Variants in RHOBTB2 observed in about 807,000 individuals in gnomAD.
The protein encoded by RHOBTB2 is Rho related BTB domain containing 2.
In RHOBTB2, 39 loss-of-function variants were observed where a neutral mutation model predicts 66.5. That is an observed-to-expected ratio of 0.59 (90% CI 0.45 to 0.77). The LOEUF (loss-of-function observed/expected upper bound fraction) is 0.77. Among genes scored for constraint, RHOBTB2 ranks in the 30% least tolerant of loss-of-function variants. The pLI is 0.00. For missense variants in RHOBTB2, 755 were observed against 999.1 expected (o/e 0.76, Z 3.29); for synonymous variants, 390 against 395.0 (o/e 0.99, Z 0.15).
chr8:22,990,584 G>C (rs1267269945), intron 1 of RHOBTB2, among the ~76,000 whole-genome samples: 1 of 152,222 alleles, frequency 6.6e-6, no homozygotes, highest in Non-Finnish European at 1.5e-5. Context: ...GCTCCCAGGG[G>C]GCTCTCTGTT....
intron 3 of RHOBTB2, 31 bp from the exon 4 acceptor site, chr8:23,005,929 T>C (rs1473583246): frequency 6.3e-7 from 1 of 1,592,268 alleles, no homozygotes; most frequent in South Asian, 1.1e-5. Flanking sequence ...CACTTGTTTC[T>C]CTGCCCGTAA....
the RHOBTB2 span, among the ~76,000 whole-genome samples, chr8:22,962,748 A>G: frequency 1.3e-5 from 2 of 152,222 alleles, no homozygotes; most frequent in Non-Finnish European, 2.9e-5. Flanking sequence ...CAGCAACCTG[A>G]CTGTCTCCTG....
chr8:23,007,924 G>A (rs1338563854), intron 5 of RHOBTB2, 69 bp from the exon 6 acceptor site: 27 of 1,523,260 alleles, frequency 1.8e-5, no homozygotes, highest in Admixed American at 1.2e-4. Context: ...AGGAGGCTCC[G>A]TGGCTCCCCT....
chr8:22,975,237 C>T, the RHOBTB2 span, among the ~76,000 whole-genome samples: 2 of 152,200 alleles, frequency 1.3e-5, no homozygotes, highest in South Asian at 2.1e-4. Context: ...GGGGCCCCTT[C>T]ACCTGCCCCA....
chr8:22,986,163 T>G (rs535700253), upstream of RHOBTB2, among the ~76,000 whole-genome samples: 20 of 151,544 alleles, frequency 1.3e-4, no homozygotes, highest in Non-Finnish European at 2.5e-4. Context: ...TCTCTCTCTC[T>G]CTCTCTTTCG....
chr8:22,958,768 C>T, the RHOBTB2 span, among the ~76,000 whole-genome samples: 1 of 139,432 alleles, frequency 7.2e-6, no homozygotes, highest in Non-Finnish European at 1.5e-5. Flanking sequence ...CACCACTGCA[C>T]TCCAGCCTGG....
At chr8:23,012,810 TATTTA>T in intron 7 of RHOBTB2, among the ~76,000 whole-genome samples, 1 of 152,204 alleles carries the variant, frequency 6.6e-6, no homozygotes, top group South Asian at 2.1e-4. Context: ...TTTATTTATT[TATTTA>T]TTTATTGACA....
At chr8:22,978,647 G>C in the RHOBTB2 span, among the ~76,000 whole-genome samples, 1 of 149,886 alleles carries the variant, frequency 6.7e-6, no homozygotes, top group African/African-American at 2.5e-5. Context: ...TGTATTCCAC[G>C]TAACAGGAGG....
intron 1 of RHOBTB2, among the ~76,000 whole-genome samples, chr8:23,002,210 T>C (rs182764139): frequency 1.7e-3 from 255 of 152,298 alleles, no homozygotes; most frequent in Admixed American, 2.6e-3. Flanking sequence ...GCTGCACATA[T>C]TTTGTATTTG....
chr8:22,990,603 C>A (rs578006093), intron 1 of RHOBTB2, among the ~76,000 whole-genome samples: 1 of 152,292 alleles, frequency 6.6e-6, no homozygotes, highest in South Asian at 2.1e-4. Context: ...TTGGCACCTC[C>A]CAGAAGGAGG....
At chr8:22,988,895 C>T (rs1810355008) in intron 1 of RHOBTB2, among the ~76,000 whole-genome samples, 1 of 152,152 alleles carries the variant, frequency 6.6e-6, no homozygotes, top group Non-Finnish European at 1.5e-5. Flanking sequence ...ACGGGCTCTG[C>T]AGAAGTGGCA....
intron 5 of RHOBTB2, 33 bp from the exon 6 acceptor site, chr8:23,007,960 C>G: frequency 6.3e-7 from 1 of 1,591,256 alleles, no homozygotes; most frequent in South Asian, 1.1e-5. Context: ...CAGCTTCTTT[C>G]ACCAGTCCTC....
At chr8:22,981,571 T>C in the RHOBTB2 span, among the ~76,000 whole-genome samples, 1 of 152,160 alleles carries the variant, frequency 6.6e-6, no homozygotes, top group Non-Finnish European at 1.5e-5. Flanking sequence ...TTGCCTCGAA[T>C]TAGGGAATTC....
chr8:22,958,569 C>T, the RHOBTB2 span, among the ~76,000 whole-genome samples: 1 of 151,938 alleles, frequency 6.6e-6, no homozygotes, highest in Non-Finnish European at 1.5e-5. Context: ...GAAGTTGAGG[C>T]AGCAGGATTT....
At chr8:22,975,797 G>T in the RHOBTB2 span, among the ~76,000 whole-genome samples, 1 of 152,010 alleles carries the variant, frequency 6.6e-6, no homozygotes, top group Non-Finnish European at 1.5e-5. Context: ...CAGCTGGGTG[G>T]CCCCTTCCCT....
the RHOBTB2 span, among the ~76,000 whole-genome samples, chr8:22,951,334 C>T: frequency 0.012 from 1,729 of 139,904 alleles, 32 homozygotes; most frequent in African/African-American, 0.043. Context: ...TCACTGCAAC[C>T]TTCTTCTCCC....
Position 23,018,180 on chromosome 8 carries a change from C to A in RHOBTB2, c.*711C>A. On this transcript the variant is annotated 3_prime_UTR_variant, in exon 10 of 10. Transcript: ENST00000251822. ...CCTCTTGGTGCAACAAGAAACTTCT[C>A]CCTCACCCCCTCCTTTACCCTCAGA... 1 of 152,582 alleles carries A rather than the reference C, an allele frequency of 6.6e-6. No homozygotes were observed. The highest frequency in any genetic ancestry group is 1.5e-5 in the Non-Finnish European group (1 of 68,222). The allele number at this position is 152,582 out of a possible 1,614,324, so 9.5% of individuals were successfully genotyped here.
At position 23,004,401 on chromosome 8, in the gene RHOBTB2, G is replaced by T; in HGVS notation, c.-10-24G>T. 1 of 1,608,598 alleles carries T rather than the reference G, an allele frequency of 6.2e-7. No individual in the cohort carries two copies. Among genetic ancestry groups the T allele is most frequent in the South Asian group, 1.1e-5 (1 of 90,824 alleles). ...GCGAGCTGGCATGCCATGCCGTCCT[G>T]ACCGCCTCCCTCCTCTCCCTCAGGT... On this transcript the variant is annotated intron_variant, in intron 1 of 9. Transcript: ENST00000251822. This position sits in a 1 kb window ranked among gnomAD's most constrained non-coding sequence, Gnocchi z 6.4.
upstream of RHOBTB2, chr8:22,995,831 T>G (rs1810535346): frequency 6.4e-7 from 1 of 1,551,094 alleles, no homozygotes. Context: ...GCCCATGGGG[T>G]GGGCTCCGCA....
Sources: gnomAD v4.1 joint callset for allele counts (sites outside exome capture counted in the v4.1 genomes callset) on GRCh38, gnomAD v4.1.1 for gene constraint, Gnocchi (gnomAD v3.1) non-coding constraint, MANE v1.5 for transcripts, NCBI Gene and HGNC (gene_info 2026-07-23, HGNC 2026-07-21) for gene names.